SAMD4A: variants seen among roughly 807,000 people sequenced by gnomAD.
SAMD4A encodes the protein sterile alpha motif domain containing 4A.
A neutral mutation model predicts 81.3 loss-of-function variants in SAMD4A; 33 were observed. That is an observed-to-expected ratio of 0.41 (90% CI 0.31 to 0.54). The LOEUF is 0.54. SAMD4A is among the 20% of genes least tolerant of loss of function. SAMD4A has a pLI of 0.37. For missense variants in SAMD4A, 854 were observed against 951.1 expected (o/e 0.90, Z 1.34); for synonymous variants, 389 against 382.1 (o/e 1.02, Z -0.21).
In SAMD4A at chr14:54,779,778, G is replaced by A. The variant is rs143847919; in HGVS notation, c.2044+3238G>A. ...TCACTGCAACCTCCACCTTCACATGGACAAGTTTTAGCTGTTTCCTGGGAC... is the reference window on the plus strand; with the variant it reads ...TCACTGCAACCTCCACCTTCACATGAACAAGTTTTAGCTGTTTCCTGGGAC... On this transcript the variant is annotated intron_variant, in intron 11 of 12. Transcript: ENST00000554335. 1.5e-3 allele frequency among the ~76,000 whole-genome samples: 223 copies of A among 151,738 alleles called. 1 individual carries two copies. Among genetic ancestry groups the A allele is most frequent in the African/African-American group, 4.9e-3 (202 of 41,302 alleles).
At chr14:54,657,035 T>G (rs2035536737) in intron 2 of SAMD4A, among the ~76,000 whole-genome samples, 1 of 152,056 alleles carries the variant, frequency 6.6e-6, no homozygotes, top group South Asian at 2.1e-4. Context: ...TGGAAGCCAA[T>G]AGCAAATTGA....
At chr14:54,660,124 T>C (rs2035608189) in intron 2 of SAMD4A, among the ~76,000 whole-genome samples, 1 of 152,230 alleles carries the variant, frequency 6.6e-6, no homozygotes, top group East Asian at 1.9e-4. Context: ...CATTCTCTTG[T>C]TTCAGGGGTT....
At chr14:54,729,356 A>C (rs1238899895) in intron 3 of SAMD4A, among the ~76,000 whole-genome samples, 2 of 152,214 alleles carry the variant, frequency 1.3e-5, no homozygotes, top group South Asian at 4.1e-4. Context: ...ATCTTTTAAG[A>C]AAAGGGTAGG....
intron 2 of SAMD4A, among the ~76,000 whole-genome samples, chr14:54,639,026 A>G (rs1470679600): frequency 6.6e-6 from 1 of 152,134 alleles, no homozygotes; most frequent in Non-Finnish European, 1.5e-5. Flanking sequence ...GTCTCACTAG[A>G]TGCCTGAGCA....
intron 2 of SAMD4A, among the ~76,000 whole-genome samples, chr14:54,570,527 G>A (rs2033100404): frequency 6.6e-6 from 1 of 152,180 alleles, no homozygotes; most frequent in Non-Finnish European, 1.5e-5. Context: ...GTAATCAGTA[G>A]TAAAAAGTGA....
At chr14:54,702,852 A>C in intron 3 of SAMD4A, 1 of 401,294 alleles carries the variant, frequency 2.5e-6, no homozygotes, top group Non-Finnish European at 4.5e-6. Flanking sequence ...GAAAGAAGGA[A>C]ACTTGCCGTT....
chr14:54,753,112 C>A (rs562035718), intron 6 of SAMD4A, among the ~76,000 whole-genome samples: 1 of 152,218 alleles, frequency 6.6e-6, no homozygotes, highest in African/African-American at 2.4e-5. Context: ...CAGTGGCCTT[C>A]CTCTATCTCA....
At position 54,745,874 on chromosome 14, in the gene SAMD4A, T is replaced by C. The variant is rs188312454; in HGVS notation, c.980-2941T>C. On this transcript the variant is annotated intron_variant, in intron 4 of 12. Coordinates refer to ENST00000554335, the MANE Select transcript of SAMD4A (RefSeq NM_015589.6). ...CAGGAAACAGTTCTGCTTCTCCCTG[T>C]TTGCCTGCATTTTCCAACCATAGCC... Among the ~76,000 whole-genome samples, 5 of 152,354 alleles carry C rather than the reference T, an allele frequency of 3.3e-5. No homozygotes were observed. In the East Asian group the frequency reaches 9.6e-4, roughly 29 times the overall value.
At chr14:54,778,897 C>T (rs1026514611) in intron 11 of SAMD4A, among the ~76,000 whole-genome samples, 2 of 152,224 alleles carry the variant, frequency 1.3e-5, no homozygotes, top group Non-Finnish European at 2.9e-5. Flanking sequence ...AAGGAGGCTG[C>T]AGAAGGCCCC....
chr14:54,605,344 C>T (rs1566543376), intron 2 of SAMD4A, among the ~76,000 whole-genome samples: 1 of 151,990 alleles, frequency 6.6e-6, no homozygotes, highest in Non-Finnish European at 1.5e-5. Context: ...ATTGAGGTAG[C>T]AGTATTTCCT....
intron 7 of SAMD4A, 65 bp downstream of exon 7, chr14:54,760,559 G>A: frequency 7.3e-7 from 1 of 1,361,590 alleles, no homozygotes. Flanking sequence ...ACAGGCTCCT[G>A]GGGGCTTCCC....
At chr14:54,765,024 T>A (rs2038499272) in intron 8 of SAMD4A, among the ~76,000 whole-genome samples, 1 of 152,208 alleles carries the variant, frequency 6.6e-6, no homozygotes, top group African/African-American at 2.4e-5. Flanking sequence ...TTGCCACATA[T>A]CCTTTTGGAG....
At chr14:54,671,280 G>C (rs1408361253) in intron 2 of SAMD4A, among the ~76,000 whole-genome samples, 1 of 152,164 alleles carries the variant, frequency 6.6e-6, no homozygotes, top group Non-Finnish European at 1.5e-5. Flanking sequence ...AGATTCTGGG[G>C]TTTGAACCTT....
chr14:54,760,060 C>A lies in SAMD4A; in HGVS notation c.1177-101C>A, dbSNP rs569104768. ...AACGTCCTGATGAGGGTACCAGCAG[C>A]CACGAATCCTGTAAGAGCTCAGGGC... On this transcript the variant is annotated intron_variant, in intron 6 of 12. Transcript: ENST00000554335. 8.1e-6 allele frequency: 10 copies of A among 1,234,396 alleles called. No homozygotes were observed. In the South Asian group the frequency reaches 1.4e-4, roughly 17 times the overall value. The allele number at this position is 1,234,396 out of a possible 1,614,324, so 76.5% of individuals were successfully genotyped here.
At chr14:54,726,620 C>T (rs367732594) in intron 3 of SAMD4A, among the ~76,000 whole-genome samples, 10 of 152,174 alleles carry the variant, frequency 6.6e-5, no homozygotes, top group African/African-American at 2.2e-4. Flanking sequence ...GGGGAAAGTA[C>T]TGAGGCAGGA....
intron 2 of SAMD4A, among the ~76,000 whole-genome samples, chr14:54,661,070 G>A (rs1311758365): frequency 1.3e-5 from 2 of 152,170 alleles, no homozygotes; most frequent in Non-Finnish European, 2.9e-5. Flanking sequence ...TCAGAACACC[G>A]AAGTTCTTGA....
At chr14:54,776,371 G>A (rs1016568210) in intron 10 of SAMD4A, 43 bp from the exon 11 acceptor site, 3 of 1,566,822 alleles carry the variant, frequency 1.9e-6, no homozygotes, top group Admixed American at 3.9e-5. Context: ...CTCCACCCCA[G>A]TGGGGCTGAA....
At chr14:54,748,692 A>ACTTTTT (rs2038025944) in intron 4 of SAMD4A, 123 bp from the exon 5 acceptor site, 1 of 663,424 alleles carries the variant, frequency 1.5e-6, no homozygotes, top group East Asian at 2.7e-5. Context: ...TAAAGGTGTT[A>ACTTTTT]CTTTTTCTTT....
upstream of SAMD4A, chr14:54,567,065 C>G (rs1235992873): frequency 6.5e-6 from 1 of 152,846 alleles, no homozygotes; most frequent in Non-Finnish European, 1.5e-5. Flanking sequence ...GGAAGGAACT[C>G]GGGCTGCCGC....
Sources: allele counts gnomAD v4.1 joint callset (sites outside exome capture counted in the v4.1 genomes callset), GRCh38; gene constraint gnomAD v4.1.1; transcripts MANE v1.5; gene names NCBI Gene and HGNC (gene_info 2026-07-23, HGNC 2026-07-21).